The following FGGY variants were observed in gnomAD, a reference collection of about 807,000 sequenced individuals.
FGGY encodes the protein FGGY carbohydrate kinase domain-containing protein.
FGGY carries 72 observed loss-of-function variants against 71.3 expected under a neutral mutation model. The ratio of observed to expected loss-of-function variants is 1.01; its 90% confidence interval spans 0.84 to 1.23. The LOEUF is 1.23. Ranked by LOEUF, FGGY falls within the 50% of genes most tolerant of loss-of-function variation. The pLI, the probability that FGGY is intolerant of heterozygous loss-of-function variation, is 0.00. For synonymous variants in FGGY, 251 were observed against 250.3 expected (o/e 1.00, Z -0.02); for missense variants, 668 against 682.3 (o/e 0.98, Z 0.23).
At chr1:59,627,469 TATATATATATATATATATATACAC>T (rs993737950) in intron 10 of FGGY, among the ~76,000 whole-genome samples, 5 of 128,696 alleles carry the variant, frequency 3.9e-5, no homozygotes, top group African/African-American at 1.7e-4. Flanking sequence ...TATATATATA[TATATATATATATATATATATACAC>T]ACACACACAC....
chr1:59,373,606 C>T (rs890085557), intron 4 of FGGY, among the ~76,000 whole-genome samples: 2 of 152,186 alleles, frequency 1.3e-5, no homozygotes, highest in African/African-American at 4.8e-5. Flanking sequence ...CAAGTCAATC[C>T]TAAGCCAAAA....
intron 7 of FGGY, among the ~76,000 whole-genome samples, chr1:59,513,322 G>C (rs1335161745): frequency 6.6e-6 from 1 of 152,222 alleles, no homozygotes; most frequent in African/African-American, 2.4e-5. Flanking sequence ...CACAAAGTAA[G>C]GGAAGGCACT....
intron 6 of FGGY, among the ~76,000 whole-genome samples, chr1:59,483,617 A>G (rs582333): frequency 0.44 from 67,216 of 151,938 alleles, 15,135 homozygotes; most frequent in Middle Eastern, 0.51. Context: ...CTTTATTGGG[A>G]CAGGTCAGTA....
chr1:59,322,420 G>T (rs1304773385), intron 2 of FGGY, among the ~76,000 whole-genome samples: 1 of 151,918 alleles, frequency 6.6e-6, no homozygotes, highest in East Asian at 1.9e-4. Context: ...TACCCAATGT[G>T]TAGTCTTTTA....
chr1:59,435,341 A>G (rs2068200829), intron 5 of FGGY, among the ~76,000 whole-genome samples: 1 of 152,110 alleles, frequency 6.6e-6, no homozygotes, highest in African/African-American at 2.4e-5. Flanking sequence ...AGATCTCACT[A>G]CTTCTACTCC....
intron 5 of FGGY, among the ~76,000 whole-genome samples, chr1:59,439,436 C>T (rs1401857585): frequency 5.9e-5 from 9 of 152,126 alleles, no homozygotes; most frequent in Non-Finnish European, 1.3e-4. Context: ...ACCAGAGTAA[C>T]AACAATACTA....
At chr1:59,564,825 C>T (rs535673569) in intron 8 of FGGY, among the ~76,000 whole-genome samples, 23 of 152,270 alleles carry the variant, frequency 1.5e-4, no homozygotes, top group South Asian at 2.1e-4. Context: ...ACTAGGAACA[C>T]GGCAAAGTCA....
At chr1:59,631,523 A>G (rs2096908542) in intron 10 of FGGY, among the ~76,000 whole-genome samples, 1 of 152,210 alleles carries the variant, frequency 6.6e-6, no homozygotes, top group Admixed American at 6.5e-5. Flanking sequence ...AGAAACAGGC[A>G]TAGCTGTTTT....
chr1:59,502,606 GGCTTAGATGA>G (rs1482344555), intron 6 of FGGY, among the ~76,000 whole-genome samples: 2 of 152,182 alleles, frequency 1.3e-5, no homozygotes, highest in African/African-American at 4.8e-5. Context: ...TTATTGCCCT[GGCTTAGATGA>G]GCTTCCTACT....
rs537082071 is a variant in FGGY at position 59,533,636 on chromosome 1, G to A, written c.800-20488G>A. Among the ~76,000 whole-genome samples, 34 of 152,322 alleles carry A rather than the reference G, an allele frequency of 2.2e-4. 1 individual carries two copies. In the South Asian group the frequency reaches 2.5e-3, roughly 11 times the overall value. Reference sequence around the variant, plus strand: ...AAGAGAGCAGTGGTTCTCCCAGCACGCAGCTGGAGACCTGAGAACGGGCAG... The same window carrying A: ...AAGAGAGCAGTGGTTCTCCCAGCACACAGCTGGAGACCTGAGAACGGGCAG... On this transcript the variant is annotated intron_variant, in intron 7 of 15. Coordinates refer to ENST00000303721, the MANE Select transcript of FGGY (RefSeq NM_018291.5).
chr1:59,556,898 A>G (rs1280958292), intron 8 of FGGY, among the ~76,000 whole-genome samples: 2 of 152,322 alleles, frequency 1.3e-5, no homozygotes, highest in East Asian at 3.9e-4. Context: ...TGAGGGCCAT[A>G]AAAGGCCAGT....
intron 5 of FGGY, among the ~76,000 whole-genome samples, chr1:59,406,080 T>C (rs2062691795): frequency 2.0e-5 from 3 of 152,004 alleles, no homozygotes; most frequent in Admixed American, 1.3e-4. Context: ...AAATGTTTTT[T>C]AAAAAGCTTT....
At chr1:59,724,716 A>G (rs550056102) in intron 14 of FGGY, among the ~76,000 whole-genome samples, 1 of 152,218 alleles carries the variant, frequency 6.6e-6, no homozygotes, top group Admixed American at 6.5e-5. Flanking sequence ...TTAATATGCA[A>G]TTTTTAATGG....
At chr1:59,381,959 GGACATGAAATCTTTAAGTAT>G (rs2059513788) in intron 5 of FGGY, among the ~76,000 whole-genome samples, 1 of 152,080 alleles carries the variant, frequency 6.6e-6, no homozygotes, top group Non-Finnish European at 1.5e-5. Context: ...TAGACAGGTT[GGACATGAAATCTTTAAGTAT>G]GACGAGCCTC....
intron 6 of FGGY, among the ~76,000 whole-genome samples, chr1:59,496,325 A>G (rs1570154008): frequency 6.6e-6 from 1 of 152,176 alleles, no homozygotes; most frequent in Non-Finnish European, 1.5e-5. Flanking sequence ...GCACATGTAT[A>G]CCCTGGAATA....
intron 4 of FGGY, among the ~76,000 whole-genome samples, chr1:59,371,948 A>G (rs549242374): frequency 3.6e-4 from 55 of 152,318 alleles, no homozygotes; most frequent in African/African-American, 1.3e-3. Context: ...TGCCCACAAG[A>G]GAAAGCAGGA....
intron 4 of FGGY, among the ~76,000 whole-genome samples, chr1:59,369,890 C>CTATTCCTT (rs1247244924): frequency 4.6e-5 from 7 of 152,130 alleles, no homozygotes; most frequent in Non-Finnish European, 7.4e-5. Context: ...ACAGAAAGGA[C>CTATTCCTT]ATCCACACCA....
chr1:59,472,417 C>T (rs1572601008), intron 6 of FGGY, among the ~76,000 whole-genome samples: 4 of 152,218 alleles, frequency 2.6e-5, no homozygotes, highest in Admixed American at 1.3e-4. Context: ...GAGCGCCGCC[C>T]CCTGCTCCAC....
chr1:59,544,194 T>C (rs2095487738), intron 7 of FGGY, among the ~76,000 whole-genome samples: 1 of 152,220 alleles, frequency 6.6e-6, no homozygotes, highest in Non-Finnish European at 1.5e-5. Context: ...TAATATGTTT[T>C]ATGTGATATG....
Sources: gnomAD v4.1 joint callset for allele counts (sites outside exome capture counted in the v4.1 genomes callset) on GRCh38, gnomAD v4.1.1 for gene constraint, MANE v1.5 for transcripts, NCBI Gene and HGNC (gene_info 2026-07-23, HGNC 2026-07-21) for gene names.